ANKRD11: variants seen among roughly 807,000 people sequenced by gnomAD.
ANKRD11 encodes the protein ankyrin repeat domain-containing protein 11.
Under a neutral mutation model 195.7 loss-of-function variants are expected in ANKRD11, and 17 were observed. The observed-to-expected ratio is 0.09, with a 90% CI of 0.06 to 0.13. ANKRD11 has a LOEUF of 0.13. Among genes scored for constraint, ANKRD11 ranks in the 10% least tolerant of loss-of-function variants. The probability of loss-of-function intolerance (pLI) is 1.00; values close to 1 mark genes in which losing one functional copy is unlikely to be tolerated. For missense variants in ANKRD11, 3,735 were observed against 3,566.1 expected, an observed-to-expected ratio of 1.05 and a Z score of -1.21; for synonymous variants, 1,953 against 1,528.1, an observed-to-expected ratio of 1.28 and a Z score of -6.49.
chr16:89,328,718 C>G, intron 2 of ANKRD11, among the ~76,000 whole-genome samples: 2 of 139,864 alleles, frequency 1.4e-5, no homozygotes, highest in African/African-American at 2.8e-5. Context: ...GAGGCCCCTG[C>G]TGAGTGAGTG....
chr16:89,280,621 G>C lies in ANKRD11; in HGVS notation c.5921C>G (p.Pro1974Arg). ...GGTSENPVSW[P>R]VGSDLLLKSP... ...CTTCAGCAGGAGGTCCGAGCCCACA[G>C]GCCAGCTCACAGGGTTTTCAGAGGT... is the stretch of plus-strand genomic sequence containing the variant. Residue 1974 changes from proline (P) to arginine (R), a missense_variant, in exon 9 of 13, where the codon CCT becomes CGT. Coordinates refer to ENST00000301030, the MANE Select transcript of ANKRD11 (RefSeq NM_013275.6). 1 of 1,613,538 alleles carries C rather than the reference G, an allele frequency of 6.2e-7. No homozygotes were observed. The highest frequency in any genetic ancestry group is 8.5e-7 in the Non-Finnish European group (1 of 1,179,948).
chr16:89,409,903 A>G (rs1053541290), intron 2 of ANKRD11, among the ~76,000 whole-genome samples: 2 of 151,794 alleles, frequency 1.3e-5, no homozygotes, highest in African/African-American at 4.9e-5. Flanking sequence ...GTAGTGGCAC[A>G]ATCTCAACTC....
intron 2 of ANKRD11, among the ~76,000 whole-genome samples, chr16:89,356,858 T>C (rs1321990413): frequency 6.7e-6 from 1 of 150,316 alleles, no homozygotes; most frequent in African/African-American, 2.5e-5. Flanking sequence ...ATAATGCACA[T>C]AATAAACAAC....
intron 1 of ANKRD11, among the ~76,000 whole-genome samples, chr16:89,441,685 T>G (rs111733734): frequency 2.9e-5 from 4 of 135,716 alleles, no homozygotes; most frequent in African/African-American, 5.7e-5. Flanking sequence ...GAGAATGGCA[T>G]GAACCCAGGA....
intron 2 of ANKRD11, among the ~76,000 whole-genome samples, chr16:89,404,304 C>T (rs1281230971): frequency 1.3e-5 from 2 of 152,132 alleles, no homozygotes; most frequent in Non-Finnish European, 2.9e-5. Flanking sequence ...CTGAGAACAT[C>T]AACATCTGTG....
intron 1 of ANKRD11, among the ~76,000 whole-genome samples, chr16:89,419,016 C>A (rs981137416): frequency 6.6e-6 from 1 of 152,038 alleles, no homozygotes. Context: ...GCCACCATGC[C>A]CAGCCTTAAA....
At chr16:89,451,411 CT>C (rs66712285) in intron 1 of ANKRD11, among the ~76,000 whole-genome samples, 196 of 130,164 alleles carry the variant, frequency 1.5e-3, no homozygotes, top group African/African-American at 3.5e-3. Flanking sequence ...TCACAAATTA[CT>C]TTTTTTTTTT....
intron 1 of ANKRD11, among the ~76,000 whole-genome samples, chr16:89,419,080 C>T (rs898648189): frequency 2.6e-5 from 4 of 151,486 alleles, no homozygotes; most frequent in Admixed American, 2.6e-4. Context: ...ATAAAAGGTG[C>T]AAAAAAAGAT....
chr16:89,406,225 G>T (rs1004020463), intron 2 of ANKRD11, among the ~76,000 whole-genome samples: 1 of 151,996 alleles, frequency 6.6e-6, no homozygotes, highest in Non-Finnish European at 1.5e-5. Flanking sequence ...TTGGTGCTGT[G>T]AGCAAGGGGC....
At chr16:89,418,430 G>A (rs1158718109) in intron 1 of ANKRD11, 62 bp from the exon 2 acceptor site, 2 of 410,752 alleles carry the variant, frequency 4.9e-6, no homozygotes, top group Non-Finnish European at 1.0e-5. Flanking sequence ...TTCTTTCATC[G>A]CTCTCGTCTC....
At chr16:89,346,382 C>T (rs143328416) in intron 2 of ANKRD11, among the ~76,000 whole-genome samples, 5 of 152,146 alleles carry the variant, frequency 3.3e-5, no homozygotes, top group Non-Finnish European at 7.4e-5. Context: ...GACAGAAGAT[C>T]TGAAAGCAAG....
At chr16:89,437,019 T>C (rs572634829) in intron 1 of ANKRD11, among the ~76,000 whole-genome samples, 1 of 152,188 alleles carries the variant, frequency 6.6e-6, no homozygotes, top group South Asian at 2.1e-4. Context: ...ATTTAGAACA[T>C]TTGTCCCCAA....
At chr16:89,395,435 C>T (rs1053127166) in intron 2 of ANKRD11, among the ~76,000 whole-genome samples, 4 of 152,238 alleles carry the variant, frequency 2.6e-5, no homozygotes, top group African/African-American at 7.2e-5. Context: ...GAGGAGACAG[C>T]GCTGGGATGC....
chr16:89,383,773 AG>A (rs1161971172), intron 2 of ANKRD11, among the ~76,000 whole-genome samples: 1 of 152,184 alleles, frequency 6.6e-6, no homozygotes, highest in Non-Finnish European at 1.5e-5. Context: ...AAAGCCAAGA[AG>A]GCCCAATGCC....
chr16:89,330,325 G>A (rs937763923), intron 2 of ANKRD11, among the ~76,000 whole-genome samples: 11 of 152,062 alleles, frequency 7.2e-5, no homozygotes, highest in Admixed American at 2.0e-4. Flanking sequence ...GGGAAGGCTC[G>A]GGAGACCTGG....
chr16:89,357,148 C>G (rs2039521230), intron 2 of ANKRD11, among the ~76,000 whole-genome samples: 1 of 152,216 alleles, frequency 6.6e-6, no homozygotes, highest in Non-Finnish European at 1.5e-5. Context: ...TCTAGGGGCA[C>G]TGCTCAGAGG....
chr16:89,412,919 CA>C (rs1212523167), intron 2 of ANKRD11, among the ~76,000 whole-genome samples: 1 of 152,176 alleles, frequency 6.6e-6, no homozygotes, highest in African/African-American at 2.4e-5. Context: ...CACAGGTCAG[CA>C]GAGGTCCCAG....
At chr16:89,356,131 C>T (rs1263159025) in intron 2 of ANKRD11, among the ~76,000 whole-genome samples, 1 of 152,244 alleles carries the variant, frequency 6.6e-6, no homozygotes, top group Admixed American at 6.5e-5. Context: ...TGAACTAGTG[C>T]TTTTCACTAA....
intron 2 of ANKRD11, among the ~76,000 whole-genome samples, chr16:89,397,463 C>T (rs537451715): frequency 6.6e-6 from 1 of 152,372 alleles, no homozygotes; most frequent in South Asian, 2.1e-4. Context: ...ACAGGGGGAC[C>T]CACAGGAAGC....
Sources: gnomAD v4.1 joint callset for allele counts (sites outside exome capture counted in the v4.1 genomes callset) on GRCh38, gnomAD v4.1.1 for gene constraint, MANE v1.5 for transcripts, NCBI Gene and HGNC (gene_info 2026-07-23, HGNC 2026-07-21) for gene names.